DOCK8: variants seen among roughly 807,000 people sequenced by gnomAD.
DOCK8 encodes the protein dedicator of cytokinesis 8.
A neutral mutation model predicts 245.6 loss-of-function variants in DOCK8; 141 were observed. That is an observed-to-expected ratio of 0.57 (90% CI 0.50 to 0.66). DOCK8 has a LOEUF of 0.66. Ranked by LOEUF, DOCK8 falls within the 30% of genes least tolerant of loss-of-function variation. DOCK8 has a pLI of 0.00. For missense variants in DOCK8, 2,965 were observed against 2,603.4 expected, an observed-to-expected ratio of 1.14 and a Z score of -3.02; for synonymous variants, 1,168 against 970.2, an observed-to-expected ratio of 1.20 and a Z score of -3.79.
intron 1 of DOCK8, among the ~76,000 whole-genome samples, chr9:228,935 T>C (rs2047046020): frequency 6.6e-6 from 1 of 152,294 alleles, no homozygotes; most frequent in East Asian, 1.9e-4. Flanking sequence ...GAGCTTTCCC[T>C]CTTCACACGG....
intron 29 of DOCK8, among the ~76,000 whole-genome samples, chr9:416,489 A>G (rs1481020170): frequency 6.6e-6 from 1 of 152,234 alleles, no homozygotes; most frequent in Non-Finnish European, 1.5e-5. Context: ...TTTAAACCTC[A>G]AAGACTTCTT....
chr9:346,048 C>T (rs2051868965), intron 14 of DOCK8, among the ~76,000 whole-genome samples: 1 of 152,014 alleles, frequency 6.6e-6, no homozygotes, highest in Admixed American at 6.5e-5. Flanking sequence ...TGTGCAGCCT[C>T]TGTGGGTTAG....
intron 5 of DOCK8, among the ~76,000 whole-genome samples, chr9:305,285 C>CT (rs1195314904): frequency 9.7e-4 from 141 of 145,412 alleles, no homozygotes; most frequent in Non-Finnish European, 8.4e-4. Flanking sequence ...TATTCTTTTT[C>CT]TTTTTTTTTT....
intron 35 of DOCK8, among the ~76,000 whole-genome samples, chr9:428,944 T>C (rs1484562376): frequency 6.6e-6 from 1 of 152,080 alleles, no homozygotes; most frequent in Non-Finnish European, 1.5e-5. Flanking sequence ...TGGGGTAACA[T>C]GCAGATTATT....
intron 1 of DOCK8, among the ~76,000 whole-genome samples, chr9:232,123 C>T (rs541402559): frequency 1.3e-5 from 2 of 152,230 alleles, no homozygotes; most frequent in Non-Finnish European, 2.9e-5. Flanking sequence ...TGGATTTTGT[C>T]AAAGGCCTTT....
At chr9:436,999 G>A (rs1442454732) in intron 39 of DOCK8, among the ~76,000 whole-genome samples, 2 of 152,178 alleles carry the variant, frequency 1.3e-5, no homozygotes, top group Non-Finnish European at 2.9e-5. Flanking sequence ...TCTTGATGTA[G>A]AGGAGGCAAT....
At position 406,993 on chromosome 9, in the gene DOCK8, G is replaced by T; in HGVS notation, c.3454G>T (p.Glu1152Ter). ...CGCCAGCATGTTCGATCTGACTTCC[G>T]AGTACCGCCAGCAGCACTTCCTCAC... Reference protein sequence around the residue: ...KIASMFDLTSEYRQQHFLTGL... With the variant: ...KIASMFDLTS Residue 1152 changes from glutamate (E) to a stop codon, truncating the protein, a stop_gained, in exon 28 of 48, where the codon GAG (glutamate) becomes TAG (stop). Transcript: ENST00000432829. LOFTEE classifies it high-confidence loss of function. 6.2e-7 allele frequency: 1 copy of T among 1,614,100 alleles called. No homozygotes were observed. The highest frequency in any genetic ancestry group is 8.5e-7 in the Non-Finnish European group (1 of 1,180,028).
chr9:400,976 A>ACCACCACC (rs1198131607), intron 26 of DOCK8, among the ~76,000 whole-genome samples: 2 of 138,130 alleles, frequency 1.4e-5, no homozygotes, highest in East Asian at 2.3e-4. Context: ...CTCCTCCACC[A>ACCACCACC]TCACCACCTC....
chr9:309,152 T>A (rs1330812103), intron 5 of DOCK8, among the ~76,000 whole-genome samples: 1 of 152,190 alleles, frequency 6.6e-6, no homozygotes, highest in Non-Finnish European at 1.5e-5. Context: ...GAAGTGAAAT[T>A]TCTAGATTAA....
At chr9:215,161 G>T (rs369091277) in intron 1 of DOCK8, 132 bp downstream of exon 1, 1 of 1,493,434 alleles carries the variant, frequency 6.7e-7, no homozygotes, top group African/African-American at 1.5e-5. Flanking sequence ...GAGACCTGGG[G>T]CGCCCGGTTC....
chr9:212,213 T>C (rs2046630161), upstream of DOCK8, among the ~76,000 whole-genome samples: 1 of 152,218 alleles, frequency 6.6e-6, no homozygotes, highest in African/African-American at 2.4e-5. Context: ...TGTTATTTAG[T>C]TGTTTGTTCA....
At chr9:436,830 A>T (rs2056920147) in intron 39 of DOCK8, among the ~76,000 whole-genome samples, 1 of 152,242 alleles carries the variant, frequency 6.6e-6, no homozygotes, top group Admixed American at 6.5e-5. Context: ...GAGAGACGTA[A>T]TATAACTAAT....
chr9:415,220 A>G (rs142426210), intron 29 of DOCK8, among the ~76,000 whole-genome samples: 1 of 152,306 alleles, frequency 6.6e-6, no homozygotes, highest in African/African-American at 2.4e-5. Flanking sequence ...CTAGTATGGA[A>G]TGAACTTTAT....
At chr9:286,689 A>T in intron 3 of DOCK8, 53 bp downstream of exon 3, 4 of 1,567,830 alleles carry the variant, frequency 2.6e-6, no homozygotes, top group Admixed American at 1.7e-5. Flanking sequence ...GATTGTTTTC[A>T]ATAAGTGGGT....
Position 289,548 on chromosome 9 carries a change from C to G in DOCK8, c.371C>G (p.Thr124Ser). The change falls in exon 4 of 48, where the codon ACC becomes AGC. Residue 124 changes from threonine to serine, a missense_variant. Physicochemically the swap from Thr to Ser is moderately conservative, Grantham distance 58. Around this residue, in one of 3 missense-constraint regions of DOCK8, gnomAD observed 2,825 missense variants for 2,453.5 expected, o/e 1.15. Transcript: ENST00000432829. ...CCTCATGTCAGGGACTGTGTTCAGACCTACATCCGTGAGTGGCTAATCGTG... is the reference window on the plus strand; with the variant it reads ...CCTCATGTCAGGGACTGTGTTCAGAGCTACATCCGTGAGTGGCTAATCGTG... The part of the protein sequence containing the change: ...LDPHVRDCVQ[T>S]YIREWLIVNR... 1 of 1,612,996 alleles carries G rather than the reference C, an allele frequency of 6.2e-7. No individual in the cohort carries two copies. Among genetic ancestry groups the G allele is most frequent in the South Asian group, 1.1e-5 (1 of 90,896 alleles).
intron 1 of DOCK8, among the ~76,000 whole-genome samples, chr9:220,554 G>C (rs556537216): frequency 2.6e-5 from 4 of 152,098 alleles, no homozygotes; most frequent in African/African-American, 9.7e-5. Flanking sequence ...TGAGAAGGTA[G>C]GGATGTTACC....
chr9:223,685 A>G (rs1392747360), intron 1 of DOCK8, among the ~76,000 whole-genome samples: 2 of 152,010 alleles, frequency 1.3e-5, no homozygotes, highest in East Asian at 3.9e-4. Flanking sequence ...TATAGAAAAT[A>G]CAGATGATAA....
At chr9:278,853 T>G (rs1301137324) in intron 2 of DOCK8, among the ~76,000 whole-genome samples, 1 of 152,280 alleles carries the variant, frequency 6.6e-6, no homozygotes, top group East Asian at 1.9e-4. Flanking sequence ...CTGTAGAACA[T>G]TGGCTCCTAC....
chr9:232,274 G>A (rs1403779854), intron 1 of DOCK8, among the ~76,000 whole-genome samples: 1 of 152,166 alleles, frequency 6.6e-6, no homozygotes, highest in African/African-American at 2.4e-5. Context: ...TAAGCTTTTT[G>A]ATGTGCTGCT....
Sources: allele counts gnomAD v4.1 joint callset (sites outside exome capture counted in the v4.1 genomes callset), GRCh38; gene constraint gnomAD v4.1.1; regional missense constraint gnomAD v4.1.1; transcripts MANE v1.5; gene names NCBI Gene and HGNC (gene_info 2026-07-23, HGNC 2026-07-21).